Variants in ATP8A2 observed in about 807,000 individuals in gnomAD.
ATP8A2 encodes ATPase phospholipid transporting 8A2.
Under a neutral mutation model 165.6 loss-of-function variants are expected in ATP8A2, and 100 were observed. The observed-to-expected ratio is 0.60, with a 90% CI of 0.51 to 0.71. The LOEUF is 0.71. Ranked by LOEUF, ATP8A2 falls within the 30% of genes least tolerant of loss-of-function variation. The probability of loss-of-function intolerance (pLI) is 0.00; values close to 1 mark genes in which losing one functional copy is unlikely to be tolerated. For missense variants in ATP8A2, 1,227 were observed against 1,479.5 expected (o/e 0.83, Z 2.80); for synonymous variants, 543 against 548.8 (o/e 0.99, Z 0.15).
At chr13:25,500,033 A>G (rs903167106) in intron 2 of ATP8A2, among the ~76,000 whole-genome samples, 1 of 152,156 alleles carries the variant, frequency 6.6e-6, no homozygotes, top group Non-Finnish European at 1.5e-5. Flanking sequence ...TGACAACCCC[A>G]TGGTTCAGCA....
At chr13:25,839,258 G>C (rs1317575230) in intron 29 of ATP8A2, among the ~76,000 whole-genome samples, 1 of 152,152 alleles carries the variant, frequency 6.6e-6, no homozygotes, top group African/African-American at 2.4e-5. Flanking sequence ...TGATCAGAGT[G>C]AATTTTTCAC....
At chr13:25,447,077 T>C (rs1332925327) in intron 1 of ATP8A2, among the ~76,000 whole-genome samples, 1 of 152,226 alleles carries the variant, frequency 6.6e-6, no homozygotes, top group Non-Finnish European at 1.5e-5. Flanking sequence ...TTGCGTTAAA[T>C]GTTAACTTCA....
At chr13:25,419,940 T>C (rs990981328) in intron 1 of ATP8A2, among the ~76,000 whole-genome samples, 1 of 152,068 alleles carries the variant, frequency 6.6e-6, no homozygotes, top group African/African-American at 2.4e-5. Context: ...CTGCTGACAA[T>C]TGAAAGGAAC....
chr13:25,815,060 A>C (rs1282618742), intron 27 of ATP8A2, among the ~76,000 whole-genome samples: 1 of 152,070 alleles, frequency 6.6e-6, no homozygotes, highest in Non-Finnish European at 1.5e-5. Context: ...ACTCCAAATG[A>C]ATCAAAGACC....
intron 24 of ATP8A2, among the ~76,000 whole-genome samples, chr13:25,692,288 A>G (rs2042741988): frequency 6.6e-6 from 1 of 152,228 alleles, no homozygotes; most frequent in Admixed American, 6.5e-5. Context: ...AAGTGCTGCT[A>G]GTGAAACCTG....
chr13:25,578,687 T>A, intron 20 of ATP8A2, 128 bp from the exon 21 acceptor site: 1 of 701,372 alleles, frequency 1.4e-6, no homozygotes, highest in Non-Finnish European at 2.5e-6. Context: ...AGCCAAATGC[T>A]AAATTCCTAC....
chr13:25,890,261 A>G (rs1953318664), intron 33 of ATP8A2, among the ~76,000 whole-genome samples: 1 of 152,242 alleles, frequency 6.6e-6, no homozygotes, highest in Admixed American at 6.5e-5. Context: ...CCAAATATAT[A>G]TCTTTAGCAC....
At chr13:25,672,585 T>C (rs74042135) in intron 24 of ATP8A2, among the ~76,000 whole-genome samples, 7,711 of 152,296 alleles carry the variant, frequency 0.051, 648 homozygotes, top group African/African-American at 0.18. Flanking sequence ...TTAATATTTC[T>C]CAAGTGCAAT....
chr13:25,642,108 G>T (rs1357192743), intron 24 of ATP8A2, among the ~76,000 whole-genome samples: 2 of 152,078 alleles, frequency 1.3e-5, no homozygotes, highest in Non-Finnish European at 2.9e-5. Flanking sequence ...ATTCAAGATG[G>T]ATTAAAGACT....
chr13:25,887,802 G>A (rs1257316581), intron 33 of ATP8A2, among the ~76,000 whole-genome samples: 2 of 152,032 alleles, frequency 1.3e-5, no homozygotes, highest in Non-Finnish European at 1.5e-5. Flanking sequence ...GTTTTGATTT[G>A]TCTATTGAGG....
chr13:25,746,498 G>A (rs7321069), intron 25 of ATP8A2, among the ~76,000 whole-genome samples: 53,938 of 152,072 alleles, frequency 0.35, 9,990 homozygotes, highest in East Asian at 0.49. Context: ...ATGTAATGGT[G>A]TTTTTGTAGG....
At chr13:25,557,178 A>G (rs1289685576) in intron 13 of ATP8A2, among the ~76,000 whole-genome samples, 2 of 152,164 alleles carry the variant, frequency 1.3e-5, no homozygotes, top group African/African-American at 2.4e-5. Flanking sequence ...CTTTCCTTAA[A>G]TTGTGTATAT....
rs185009117 is a variant in ATP8A2, at chr13:25,379,449, G to A, written c.76+7161G>A. Among the ~76,000 whole-genome samples, 12 of 152,262 alleles carry A rather than the reference G, an allele frequency of 7.9e-5. No individual in the cohort carries two copies. In the East Asian group the frequency reaches 2.1e-3, roughly 27 times the overall value. On this transcript the variant is annotated intron_variant, in intron 1 of 36. Transcript: ENST00000381655. ...TCACGGTCATGATATGTTAATATCG[G>A]GGAGCAGTTCATTCATATTCAAAGG... is the stretch of plus-strand genomic sequence containing the variant.
intron 24 of ATP8A2, among the ~76,000 whole-genome samples, chr13:25,621,363 T>C (rs1376524074): frequency 1.3e-5 from 2 of 152,314 alleles, no homozygotes; most frequent in East Asian, 1.9e-4. Flanking sequence ...ATATGTTCTG[T>C]TTCTGATTTA....
At chr13:25,855,948 C>A (rs1952153147) in intron 30 of ATP8A2, among the ~76,000 whole-genome samples, 1 of 152,192 alleles carries the variant, frequency 6.6e-6, no homozygotes, top group Non-Finnish European at 1.5e-5. Flanking sequence ...TTGATATCTT[C>A]TTTGCAAAAC....
chr13:25,699,061 T>A, intron 24 of ATP8A2, 112 bp from the exon 25 acceptor site: 6 of 816,626 alleles, frequency 7.3e-6, no homozygotes, highest in Non-Finnish European at 9.1e-6. Flanking sequence ...TGATAGTATA[T>A]TTATATTAGA....
intron 35 of ATP8A2, among the ~76,000 whole-genome samples, chr13:25,995,889 A>T (rs920311300): frequency 6.6e-6 from 1 of 152,198 alleles, no homozygotes; most frequent in Non-Finnish European, 1.5e-5. Context: ...ATTCAACTAT[A>T]ATTGTGAATT....
intron 1 of ATP8A2, among the ~76,000 whole-genome samples, chr13:25,458,807 T>G (rs1474111393): frequency 6.6e-6 from 1 of 152,234 alleles, no homozygotes; most frequent in Non-Finnish European, 1.5e-5. Context: ...TGCCTACTTG[T>G]GCTTCCCATG....
intron 24 of ATP8A2, among the ~76,000 whole-genome samples, chr13:25,647,699 T>C (rs1283942286): frequency 1.3e-5 from 2 of 152,068 alleles, no homozygotes; most frequent in Admixed American, 1.3e-4. Flanking sequence ...TTTTTTTTCT[T>C]TTTTAGATGG....
Sources: gnomAD v4.1 joint callset for allele counts (sites outside exome capture counted in the v4.1 genomes callset) on GRCh38, gnomAD v4.1.1 for gene constraint, MANE v1.5 for transcripts, NCBI Gene and HGNC (gene_info 2026-07-23, HGNC 2026-07-21) for gene names.